The following PLXDC2 variants were observed in gnomAD, a reference collection of about 807,000 sequenced individuals.
PLXDC2 encodes plexin domain containing 2, also known as plexin domain-containing protein 2.
Under a neutral mutation model 68.9 loss-of-function variants are expected in PLXDC2, and 40 were observed. That is an observed-to-expected ratio of 0.58 (90% CI 0.45 to 0.76). The LOEUF (loss-of-function observed/expected upper bound fraction) is 0.76. PLXDC2 is among the 30% of genes least tolerant of loss of function. The pLI is 0.00. For synonymous variants in PLXDC2, 243 were observed against 234.2 expected (o/e 1.04, Z -0.34); for missense variants, 644 against 661.9 (o/e 0.97, Z 0.30).
intron 1 of PLXDC2, among the ~76,000 whole-genome samples, chr10:19,883,883 A>C (rs1421566707): frequency 4.8e-5 from 2 of 41,906 alleles, no homozygotes; most frequent in Non-Finnish European, 8.5e-5. Context: ...ATCCCTTTAA[A>C]CTTTTTTTTT....
intron 2 of PLXDC2, among the ~76,000 whole-genome samples, chr10:20,028,832 A>G (rs1467443064): frequency 2.0e-5 from 3 of 151,946 alleles, no homozygotes; most frequent in Non-Finnish European, 2.9e-5. Flanking sequence ...GTTCCACCCT[A>G]TTTTCTAGAT....
chr10:20,021,191 G>GT (rs35394866), intron 2 of PLXDC2, among the ~76,000 whole-genome samples: 9,934 of 144,580 alleles, frequency 0.069, 388 homozygotes, highest in Middle Eastern at 0.14. Context: ...ACTTTATCCT[G>GT]TTTTTTTTGT....
chr10:19,899,798 C>T (rs1838127133), intron 1 of PLXDC2, among the ~76,000 whole-genome samples: 2 of 151,932 alleles, frequency 1.3e-5, no homozygotes, highest in East Asian at 3.9e-4. Context: ...TTCTTTAACA[C>T]CTTTATGTGT....
At chr10:20,227,708 G>A (rs202008235) in intron 12 of PLXDC2, among the ~76,000 whole-genome samples, 4 of 152,126 alleles carry the variant, frequency 2.6e-5, no homozygotes, top group East Asian at 3.9e-4. Flanking sequence ...GGAACCGTTT[G>A]TGTCATTTTG....
intron 4 of PLXDC2, among the ~76,000 whole-genome samples, chr10:20,103,433 CG>C (rs1832711862): frequency 6.6e-6 from 1 of 151,958 alleles, no homozygotes; most frequent in African/African-American, 2.4e-5. Context: ...CACAGACACC[CG>C]AGACTTGTGG....
At chr10:20,228,039 A>G (rs7070524) in intron 12 of PLXDC2, among the ~76,000 whole-genome samples, 13 of 152,192 alleles carry the variant, frequency 8.5e-5, no homozygotes, top group African/African-American at 3.1e-4. Context: ...CTGGGTGGAC[A>G]GTGGTGCCAT....
At chr10:19,880,410 TAAC>T (rs1230748968) in intron 1 of PLXDC2, among the ~76,000 whole-genome samples, 1 of 152,198 alleles carries the variant, frequency 6.6e-6, no homozygotes, top group Non-Finnish European at 1.5e-5. Flanking sequence ...TGTAAGAGAT[TAAC>T]AACAATAACT....
rs1011341494 is a variant in PLXDC2 at position 20,288,928 on chromosome 10, T to C, written c.*9109T>C. The C allele has an allele frequency of 2.6e-5, 4 of 152,128 alleles. No individual in the cohort carries two copies. Among genetic ancestry groups the C allele is most frequent in the Non-Finnish European group, 5.9e-5 (4 of 68,038 alleles). The allele number at this position is 152,128 out of a possible 1,614,324, so 9.4% of individuals were successfully genotyped here. A position where few individuals can be genotyped will look rare whatever the true frequency, so the allele number is the denominator to read the frequency against. ...TATTTTCAGAAGCAAACCATGTTTTTCACTTACAGTAGGAGTCAACAAATT... is the reference window on the plus strand; with the variant it reads ...TATTTTCAGAAGCAAACCATGTTTTCCACTTACAGTAGGAGTCAACAAATT... On this transcript the variant is annotated 3_prime_UTR_variant, in exon 14 of 14. Transcript: ENST00000377252.
At chr10:20,208,130 T>A (rs969385676) in intron 9 of PLXDC2, among the ~76,000 whole-genome samples, 1 of 150,984 alleles carries the variant, frequency 6.6e-6, no homozygotes, top group Non-Finnish European at 1.5e-5. Flanking sequence ...TAGAGTAATA[T>A]AATTAACATG....
At chr10:20,262,954 A>G (rs2119368353) in intron 13 of PLXDC2, among the ~76,000 whole-genome samples, 1 of 152,342 alleles carries the variant, frequency 6.6e-6, no homozygotes, top group East Asian at 1.9e-4. Context: ...GACATCTGAA[A>G]GCTCTCTGCT....
intron 9 of PLXDC2, among the ~76,000 whole-genome samples, chr10:20,208,512 A>T (rs1835023514): frequency 1.3e-5 from 2 of 152,292 alleles, no homozygotes; most frequent in Non-Finnish European, 1.5e-5. Context: ...TTGTGTGGGG[A>T]CACAGCCAAA....
chr10:19,817,459 G>A (rs1212487118), intron 1 of PLXDC2, among the ~76,000 whole-genome samples: 1 of 152,154 alleles, frequency 6.6e-6, no homozygotes, highest in South Asian at 2.1e-4. Context: ...AGTAGCCCAG[G>A]GAGGGCTTCA....
At chr10:20,252,390 A>G (rs747993920) in intron 13 of PLXDC2, among the ~76,000 whole-genome samples, 1 of 152,238 alleles carries the variant, frequency 6.6e-6, no homozygotes, top group Non-Finnish European at 1.5e-5. Context: ...GCTGGATTAA[A>G]TAAATTTTAT....
intron 2 of PLXDC2, among the ~76,000 whole-genome samples, chr10:20,009,378 G>T (rs970456687): frequency 1.3e-5 from 2 of 152,114 alleles, no homozygotes; most frequent in Non-Finnish European, 2.9e-5. Context: ...TGGAGTTTTT[G>T]TGTGTGAAAT....
intron 12 of PLXDC2, among the ~76,000 whole-genome samples, chr10:20,219,385 T>A (rs1835181866): frequency 6.6e-6 from 1 of 152,126 alleles, no homozygotes; most frequent in Non-Finnish European, 1.5e-5. Flanking sequence ...CTTTGTTGTA[T>A]TATAGTGGTG....
chr10:20,247,798 C>G (rs1031292904), intron 13 of PLXDC2, among the ~76,000 whole-genome samples: 1 of 152,118 alleles, frequency 6.6e-6, no homozygotes, highest in Admixed American at 6.5e-5. Context: ...CCTGGAAAAA[C>G]GTTCATAATA....
chr10:20,259,377 A>G (rs565877181), intron 13 of PLXDC2, among the ~76,000 whole-genome samples: 1 of 152,346 alleles, frequency 6.6e-6, no homozygotes, highest in South Asian at 2.1e-4. Context: ...TGCTGATGAA[A>G]GATTCTGGAA....
rs114827444 is a variant in PLXDC2 at position 19,915,908 on chromosome 10, T to C, written c.113-85867T>C. Among the ~76,000 whole-genome samples the C allele has an allele frequency of 5.9e-3, 893 of 152,130 alleles. 7 individuals carry two copies. The highest frequency in any genetic ancestry group is 0.021 in the African/African-American group (863 of 41,502). ...GAAAAAAAACAGCTGCTGTAGCCTC[T>C]GCAACTTGCTGAGAGCTTGTTTAGG... On this transcript the variant is annotated intron_variant, in intron 1 of 13. Transcript: ENST00000377252.
chr10:20,180,278 A>G (rs1478601946), intron 9 of PLXDC2, among the ~76,000 whole-genome samples: 1 of 152,116 alleles, frequency 6.6e-6, no homozygotes, highest in Non-Finnish European at 1.5e-5. Flanking sequence ...TTTATTGAAT[A>G]CCGAACACTT....
Sources: gnomAD v4.1 joint callset for allele counts (sites outside exome capture counted in the v4.1 genomes callset) on GRCh38, gnomAD v4.1.1 for gene constraint, MANE v1.5 for transcripts, NCBI Gene and HGNC (gene_info 2026-07-23, HGNC 2026-07-21) for gene names.